The following TG variants were observed in gnomAD, a reference collection of about 807,000 sequenced individuals.
TG encodes thyroid hormones.
A neutral mutation model predicts 324.7 loss-of-function variants in TG; 270 were observed. The observed-to-expected ratio is 0.83, with a 90% CI of 0.75 to 0.92. TG has a LOEUF of 0.92. Among genes scored for constraint, TG ranks in the 40% least tolerant of loss-of-function variants. The pLI is 0.00. For missense variants in TG, 3,591 were observed against 3,456.4 expected (o/e 1.04, Z -0.98); for synonymous variants, 1,401 against 1,327.0 (o/e 1.06, Z -1.21).
At chr8:133,059,168 T>C in intron 41 of TG, 1 of 456,180 alleles carries the variant, frequency 2.2e-6, no homozygotes, top group South Asian at 1.5e-5. Context: ...CTGCAGGGGC[T>C]GCTGGGAACC....
At chr8:133,061,462 C>G (rs995593574) in intron 41 of TG, among the ~76,000 whole-genome samples, 3 of 152,182 alleles carry the variant, frequency 2.0e-5, no homozygotes, top group Non-Finnish European at 4.4e-5. Flanking sequence ...ACTGATTGTC[C>G]TTAATGATAA....
chr8:133,081,554 C>G (rs1266067206), intron 41 of TG, among the ~76,000 whole-genome samples: 1 of 151,646 alleles, frequency 6.6e-6, no homozygotes, highest in East Asian at 1.9e-4. Flanking sequence ...TTCGGGAGGT[C>G]TTTTGGCCCT....
chr8:133,070,822 C>T (rs373493392), intron 41 of TG, among the ~76,000 whole-genome samples: 6 of 152,234 alleles, frequency 3.9e-5, no homozygotes, highest in African/African-American at 1.2e-4. Context: ...CAGGCACCCC[C>T]GCTCCTGACC....
chr8:132,903,651 G>A (rs1043859378), intron 16 of TG, among the ~76,000 whole-genome samples: 8 of 152,196 alleles, frequency 5.3e-5, no homozygotes, highest in Admixed American at 4.6e-4. Flanking sequence ...GAGGCCAGAG[G>A]CTGGCCATGC....
intron 23 of TG, among the ~76,000 whole-genome samples, chr8:132,932,809 G>T (rs1295903291): frequency 6.6e-6 from 1 of 152,180 alleles, no homozygotes; most frequent in African/African-American, 2.4e-5. Flanking sequence ...CCCTTGCAGG[G>T]CTGCTGTCTG....
At chr8:132,991,498 G>C (rs972815758) in intron 35 of TG, among the ~76,000 whole-genome samples, 7 of 152,190 alleles carry the variant, frequency 4.6e-5, no homozygotes, top group Non-Finnish European at 7.3e-5. Flanking sequence ...TAAATGTCCT[G>C]TCTAAATACG....
At chr8:132,933,208 G>GTTTT (rs1822982880) in intron 23 of TG, among the ~76,000 whole-genome samples, 1 of 19,610 alleles carries the variant, frequency 5.1e-5, no homozygotes, top group Non-Finnish European at 1.1e-4. Flanking sequence ...ATTTGTGTGT[G>GTTTT]TGTGTATTTG....
At chr8:133,027,437 AAG>A (rs1292096824) in intron 40 of TG, among the ~76,000 whole-genome samples, 1 of 152,180 alleles carries the variant, frequency 6.6e-6, no homozygotes. Context: ...AGAAGGGGCA[AAG>A]AGTGTGCCTG....
chr8:132,978,843 A>G (rs867851435), intron 34 of TG, among the ~76,000 whole-genome samples: 25 of 152,300 alleles, frequency 1.6e-4, no homozygotes, highest in Middle Eastern at 6.8e-3. Context: ...GGCTGTGGTC[A>G]CAGATCAAAG....
rs1206268117 is a variant in TG at position 133,134,829 on chromosome 8, G to C, written c.*35G>C. ...GAGCTCCCCAAAAACCTCACCCGAG[G>C]CTGCCCACTATGGTCATCTTTTTCT... On this transcript the variant is annotated 3_prime_UTR_variant, in exon 48 of 48. Transcript: ENST00000220616. The C allele has an allele frequency of 1.9e-6, 3 of 1,555,944 alleles. No individual in the cohort carries two copies.
At chr8:133,095,296 C>T (rs1478521169) in intron 42 of TG, 88 bp downstream of exon 42, 37 of 1,567,130 alleles carry the variant, frequency 2.4e-5, no homozygotes, top group Non-Finnish European at 3.0e-5. Context: ...TGTCACCCAC[C>T]CCAGCCATAC....
intron 41 of TG, among the ~76,000 whole-genome samples, chr8:133,065,099 G>A (rs1279930347): frequency 6.6e-6 from 1 of 152,172 alleles, no homozygotes; most frequent in African/African-American, 2.4e-5. Context: ...CTAAGGCATG[G>A]AAGTGTGGTG....
At chr8:133,065,197 T>A (rs73361256) in intron 41 of TG, among the ~76,000 whole-genome samples, 5,355 of 152,214 alleles carry the variant, frequency 0.035, 225 homozygotes, top group African/African-American at 0.098. Context: ...CCACAATTGG[T>A]CAGCAAGCAT....
intron 27 of TG, among the ~76,000 whole-genome samples, chr8:132,952,994 TCTC>T (rs748743576): frequency 3.3e-5 from 5 of 152,240 alleles, no homozygotes; most frequent in Non-Finnish European, 7.3e-5. Context: ...GCTTTGGAGT[TCTC>T]CTTGTTATTG....
At chr8:133,058,295 C>T (rs1442623438) in intron 41 of TG, among the ~76,000 whole-genome samples, 1 of 152,132 alleles carries the variant, frequency 6.6e-6, no homozygotes, top group East Asian at 1.9e-4. Context: ...TTGCCTGGAT[C>T]ACAAACGGGG....
At chr8:133,118,453 T>C (rs921580827) in intron 45 of TG, among the ~76,000 whole-genome samples, 2 of 151,620 alleles carry the variant, frequency 1.3e-5, no homozygotes, top group Non-Finnish European at 2.9e-5. Context: ...GCCTCCCCAG[T>C]AGCTGGAATT....
intron 5 of TG, among the ~76,000 whole-genome samples, chr8:132,874,906 G>T (rs1438429419): frequency 6.6e-6 from 1 of 152,106 alleles, no homozygotes; most frequent in Non-Finnish European, 1.5e-5. Flanking sequence ...TGTGCTCCGG[G>T]TCCCTCTGTG....
intron 9 of TG, 42 bp downstream of exon 9, chr8:132,887,590 C>T (rs757992543): frequency 6.2e-6 from 10 of 1,613,692 alleles, no homozygotes; most frequent in African/African-American, 1.3e-5. Flanking sequence ...CCCTGAGTCT[C>T]TCTTTAGGCC....
chr8:133,011,333 G>C (rs1002029859), intron 35 of TG, among the ~76,000 whole-genome samples: 12 of 152,148 alleles, frequency 7.9e-5, no homozygotes, highest in South Asian at 4.1e-4. Context: ...TTCCTAGAGA[G>C]AGACTCAGTT....
Sources: allele counts gnomAD v4.1 joint callset (sites outside exome capture counted in the v4.1 genomes callset), GRCh38; gene constraint gnomAD v4.1.1; transcripts MANE v1.5; gene names NCBI Gene and HGNC (gene_info 2026-07-23, HGNC 2026-07-21).